The following GOLIM4 variants were observed in gnomAD, a reference collection of about 807,000 sequenced individuals.
The protein encoded by GOLIM4 is 130 kDa golgi-localized phosphoprotein.
A neutral mutation model predicts 107.4 loss-of-function variants in GOLIM4; 71 were observed. That is an observed-to-expected ratio of 0.66 (90% CI 0.55 to 0.81). The LOEUF (loss-of-function observed/expected upper bound fraction) is 0.81, where lower values mean the gene tolerates loss of function less well. GOLIM4 is among the 30% of genes least tolerant of loss of function. The probability of loss-of-function intolerance (pLI) is 0.00; values close to 1 mark genes in which losing one functional copy is unlikely to be tolerated. For missense variants in GOLIM4, 830 were observed against 826.1 expected, an observed-to-expected ratio of 1.00 and a Z score of -0.06; for synonymous variants, 327 against 294.8, an observed-to-expected ratio of 1.11 and a Z score of -1.12.
At chr3:168,053,885 A>G (rs1719787845) in intron 1 of GOLIM4, among the ~76,000 whole-genome samples, 1 of 152,028 alleles carries the variant, frequency 6.6e-6, no homozygotes, top group African/African-American at 2.4e-5. Context: ...CTAGAAAACA[A>G]CCCCCATAAA....
intron 11 of GOLIM4, 36 bp from the exon 12 acceptor site, chr3:168,027,873 G>T: frequency 1.5e-6 from 2 of 1,302,668 alleles, no homozygotes; most frequent in Non-Finnish European, 1.1e-6. Flanking sequence ...AGCCCAAAAT[G>T]AATCAAACAG....
chr3:168,016,905 G>A (rs1717397804), intron 14 of GOLIM4, among the ~76,000 whole-genome samples: 1 of 136,020 alleles, frequency 7.4e-6, no homozygotes, highest in African/African-American at 3.7e-5. Flanking sequence ...GGTGGAGGGA[G>A]GGGCGAGGGA....
chr3:168,039,557 C>T (rs7627350), intron 7 of GOLIM4, among the ~76,000 whole-genome samples: 4,551 of 152,214 alleles, frequency 0.03, 215 homozygotes, highest in African/African-American at 0.1. Context: ...AGCCACGGTG[C>T]CCGGCCAAAA....
intron 1 of GOLIM4, among the ~76,000 whole-genome samples, chr3:168,049,646 A>T (rs1432542109): frequency 1.3e-5 from 2 of 152,188 alleles, no homozygotes; most frequent in African/African-American, 4.8e-5. Flanking sequence ...TACAATTCAC[A>T]GAACAGCCCC....
intron 3 of GOLIM4, 152 bp from the exon 4 acceptor site, chr3:168,045,033 C>T (rs547860924): frequency 9.9e-5 from 51 of 513,868 alleles, no homozygotes; most frequent in East Asian, 5.9e-4. Flanking sequence ...CTGGAGCCAT[C>T]GATTTAACAC....
At chr3:168,072,539 T>G (rs1449412793) in intron 1 of GOLIM4, among the ~76,000 whole-genome samples, 1 of 152,068 alleles carries the variant, frequency 6.6e-6, no homozygotes, top group South Asian at 2.1e-4. Flanking sequence ...TAACACTCTG[T>G]TAAGAAAAGT....
In GOLIM4 at chr3:168,013,429, G is replaced by A. The variant is rs890382036; in HGVS notation, c.1861-2606C>T. Among the ~76,000 whole-genome samples the A allele has an allele frequency of 3.8e-3, 583 of 151,540 alleles. 2 individuals are homozygous for A. The highest frequency in any genetic ancestry group is 7.5e-3 in the Admixed American group (115 of 15,232). ...CCTACAAAGAGACTTAGACTCCCAC[G>A]CATTAATAATGGGAGACTTTAACAC... is the stretch of plus-strand genomic sequence containing the variant. On this transcript the variant is annotated intron_variant, in intron 14 of 15. Coordinates refer to ENST00000470487, the MANE Select transcript of GOLIM4 (RefSeq NM_014498.5).
At chr3:168,046,377 T>C (rs992652066) in intron 3 of GOLIM4, among the ~76,000 whole-genome samples, 1 of 152,110 alleles carries the variant, frequency 6.6e-6, no homozygotes, top group African/African-American at 2.4e-5. Context: ...CATAGGACAA[T>C]AGTGGAGGGA....
In GOLIM4 at chr3:168,095,374, G is replaced by A. The variant is rs1722136320; in HGVS notation, c.-89C>T. 4 of 1,096,050 alleles carry A rather than the reference G, an allele frequency of 3.6e-6. No homozygotes were observed. In the African/African-American group the frequency reaches 4.8e-5, roughly 13 times the overall value. The allele number at this position is 1,096,050 out of a possible 1,614,324, so 67.9% of individuals were successfully genotyped here. ...GTCTCAGCAGCGGCCGCCGCAGTAG[G>A]TGGCCAGACGCAGCATGAGGAGGAG... On this transcript the variant is annotated 5_prime_UTR_variant, in exon 1 of 16. Coordinates refer to ENST00000470487, the MANE Select transcript of GOLIM4 (RefSeq NM_014498.5).
At chr3:168,086,655 A>G (rs1490607529) in intron 1 of GOLIM4, among the ~76,000 whole-genome samples, 1 of 152,212 alleles carries the variant, frequency 6.6e-6, no homozygotes, top group Non-Finnish European at 1.5e-5. Flanking sequence ...TAGTTAAAGC[A>G]GTATTTTTTA....
chr3:168,030,726 A>C (rs1718283036), intron 9 of GOLIM4, among the ~76,000 whole-genome samples: 1 of 152,210 alleles, frequency 6.6e-6, no homozygotes, highest in Non-Finnish European at 1.5e-5. Flanking sequence ...GCTAGTGAGG[A>C]TGTGGAGAAA....
chr3:168,065,628 T>G (rs188399753), intron 1 of GOLIM4, among the ~76,000 whole-genome samples: 3 of 152,332 alleles, frequency 2.0e-5, no homozygotes, highest in Admixed American at 2.0e-4. Flanking sequence ...GTTTTCCTTG[T>G]CTTGTATATG....
intron 8 of GOLIM4, among the ~76,000 whole-genome samples, chr3:168,036,505 G>GCACTCCAGCCTGGACGA (rs1718661990): frequency 1.3e-5 from 2 of 152,176 alleles, no homozygotes; most frequent in African/African-American, 4.8e-5. Context: ...TTGTGCCACT[G>GCACTCCAGCCTGGACGA]CACTCCAGCC....
At chr3:168,038,535 G>T (rs552339217) in intron 7 of GOLIM4, among the ~76,000 whole-genome samples, 6 of 152,254 alleles carry the variant, frequency 3.9e-5, no homozygotes, top group Non-Finnish European at 7.4e-5. Context: ...CTTGGTTCTG[G>T]TCATTGATTT....
intron 11 of GOLIM4, among the ~76,000 whole-genome samples, chr3:168,028,206 G>A (rs1718115754): frequency 6.6e-6 from 1 of 152,104 alleles, no homozygotes; most frequent in Non-Finnish European, 1.5e-5. Flanking sequence ...GGAAGTAGCT[G>A]GGCTCCAAAA....
chr3:168,061,837 A>G (rs1720290332), intron 1 of GOLIM4, among the ~76,000 whole-genome samples: 1 of 152,096 alleles, frequency 6.6e-6, no homozygotes, highest in Non-Finnish European at 1.5e-5. Flanking sequence ...AGTAAGAGGG[A>G]GCATTTTTGA....
intron 14 of GOLIM4, among the ~76,000 whole-genome samples, chr3:168,018,434 C>T (rs1717495369): frequency 6.6e-6 from 1 of 152,162 alleles, no homozygotes; most frequent in Admixed American, 6.6e-5. Flanking sequence ...CATTGTGAAC[C>T]TCTTCTAACC....
At position 168,081,414 on chromosome 3, in the gene GOLIM4, G is replaced by C. The variant is rs551685030; in HGVS notation, c.187+13685C>G. On this transcript the variant is annotated intron_variant, in intron 1 of 15. Transcript: ENST00000470487. ...ACATAGTAGGCAGGGTTGGGAAGGGGGTAAGGGGTAGCAGATGGACTGGGA... is the reference window on the plus strand; with the variant it reads ...ACATAGTAGGCAGGGTTGGGAAGGGCGTAAGGGGTAGCAGATGGACTGGGA... Among the ~76,000 whole-genome samples, 35 of 152,286 alleles carry C rather than the reference G, an allele frequency of 2.3e-4. No homozygotes were observed. In the East Asian group the frequency reaches 6.8e-3, roughly 29 times the overall value.
chr3:168,041,216 T>C (rs1366153273), intron 6 of GOLIM4, 176 bp downstream of exon 6: 12 of 537,602 alleles, frequency 2.2e-5, no homozygotes, highest in South Asian at 1.8e-4. Context: ...TTTCAGACCA[T>C]CTTTTAGCTT....
Sources: allele counts gnomAD v4.1 joint callset (sites outside exome capture counted in the v4.1 genomes callset), GRCh38; gene constraint gnomAD v4.1.1; transcripts MANE v1.5; gene names NCBI Gene and HGNC (gene_info 2026-07-23, HGNC 2026-07-21).